Variants in RBKS observed in about 807,000 individuals in gnomAD.
The protein encoded by RBKS is ribokinase.
A neutral mutation model predicts 33.9 loss-of-function variants in RBKS; 33 were observed. The observed-to-expected ratio is 0.97, with a 90% CI of 0.74 to 1.30. The LOEUF is 1.30. RBKS is among the 50% of genes most tolerant of loss of function. RBKS has a pLI of 0.00. For missense variants in RBKS, 361 were observed against 392.6 expected (o/e 0.92, Z 0.68); for synonymous variants, 125 against 143.0 (o/e 0.87, Z 0.90).
intron 7 of RBKS, among the ~76,000 whole-genome samples, chr2:27,819,150 T>C (rs1037996081): frequency 3.3e-5 from 5 of 152,174 alleles, no homozygotes; most frequent in African/African-American, 7.2e-5. Flanking sequence ...TAGAAATTTA[T>C]TTCTCACAGT....
At chr2:27,840,360 G>GCACA (rs752347864) in intron 5 of RBKS, among the ~76,000 whole-genome samples, 12 of 68,328 alleles carry the variant, frequency 1.8e-4, no homozygotes, top group South Asian at 6.4e-4. Context: ...ACACACGCGC[G>GCACA]CGCGCACACA....
At chr2:27,873,476 G>C (rs1664255650) in intron 1 of RBKS, among the ~76,000 whole-genome samples, 1 of 152,094 alleles carries the variant, frequency 6.6e-6, no homozygotes, top group African/African-American at 2.4e-5. Context: ...CCAAAGAACT[G>C]CTTATGATTT....
intron 4 of RBKS, among the ~76,000 whole-genome samples, chr2:27,844,922 C>G (rs1339102478): frequency 2.0e-5 from 3 of 152,180 alleles, no homozygotes; most frequent in Non-Finnish European, 4.4e-5. Flanking sequence ...TCGTGCTGAT[C>G]TTGTACAGAC....
intron 1 of RBKS, among the ~76,000 whole-genome samples, chr2:27,883,420 C>T (rs532070350): frequency 2.6e-5 from 4 of 152,176 alleles, no homozygotes; most frequent in South Asian, 4.1e-4. Flanking sequence ...AGGATGGTCT[C>T]GATCTCCTGA....
rs138743665 is a variant in RBKS at position 27,838,900 on chromosome 2, A to G, written c.514+4167T>C. On this transcript the variant is annotated intron_variant, in intron 5 of 7. Coordinates refer to ENST00000302188, the MANE Select transcript of RBKS (RefSeq NM_022128.3). ...TAATGGATAGCACAATAATGTCAATAAGGAACTGGTGAGGCCTGGAGGAGC... is the reference window on the plus strand; with the variant it reads ...TAATGGATAGCACAATAATGTCAATGAGGAACTGGTGAGGCCTGGAGGAGC... 6.5e-3 allele frequency among the ~76,000 whole-genome samples: 988 copies of G among 152,342 alleles called. 6 individuals carry two copies. Among genetic ancestry groups the G allele is most frequent in the Non-Finnish European group, 0.01 (708 of 68,026 alleles).
intron 4 of RBKS, among the ~76,000 whole-genome samples, 167 bp from the exon 5 acceptor site, chr2:27,843,398 T>G (rs950908019): frequency 6.6e-6 from 1 of 152,230 alleles, no homozygotes; most frequent in African/African-American, 2.4e-5. Context: ...GAGTTCCAAA[T>G]GTATCTTTTA....
At chr2:27,848,668 C>G (rs1663671789) in intron 2 of RBKS, among the ~76,000 whole-genome samples, 1 of 151,946 alleles carries the variant, frequency 6.6e-6, no homozygotes, top group Non-Finnish European at 1.5e-5. Context: ...CTATAGACAA[C>G]AAGATTAGGT....
At chr2:27,808,715 C>T (rs1677936547) in intron 7 of RBKS, among the ~76,000 whole-genome samples, 1 of 152,198 alleles carries the variant, frequency 6.6e-6, no homozygotes, top group South Asian at 2.1e-4. Flanking sequence ...CAGACCAGGA[C>T]TGAAGTGGAG....
At chr2:27,804,567 G>A (rs758898154) in intron 7 of RBKS, among the ~76,000 whole-genome samples, 3 of 152,056 alleles carry the variant, frequency 2.0e-5, no homozygotes, top group African/African-American at 7.2e-5. Context: ...ACCTAATCTC[G>A]ATTTTAGCTG....
intron 1 of RBKS, among the ~76,000 whole-genome samples, chr2:27,865,390 A>G (rs72810558): frequency 6.6e-6 from 1 of 152,328 alleles, no homozygotes; most frequent in Non-Finnish European, 1.5e-5. Flanking sequence ...GAAAGTCCTG[A>G]TCATGCAGAA....
At chr2:27,801,462 TATAC>T (rs1307992843) in intron 7 of RBKS, among the ~76,000 whole-genome samples, 2,893 of 83,008 alleles carry the variant, frequency 0.035, 88 homozygotes, top group African/African-American at 0.11. Flanking sequence ...AGGGCCACAG[TATAC>T]ACACACACAC....
At chr2:27,840,359 C>T (rs1418181583) in intron 5 of RBKS, among the ~76,000 whole-genome samples, 7 of 101,042 alleles carry the variant, frequency 6.9e-5, no homozygotes, top group Non-Finnish European at 1.1e-4. Context: ...CACACACGCG[C>T]GCGCGCACAC....
At chr2:27,857,929 A>G (rs1337190239) in intron 2 of RBKS, among the ~76,000 whole-genome samples, 4 of 152,254 alleles carry the variant, frequency 2.6e-5, no homozygotes, top group Non-Finnish European at 5.9e-5. Context: ...ACTGCTATTC[A>G]TAACAGCCAA....
At chr2:27,877,620 TA>T (rs1664338718) in intron 1 of RBKS, among the ~76,000 whole-genome samples, 1 of 152,204 alleles carries the variant, frequency 6.6e-6, no homozygotes, top group Non-Finnish European at 1.5e-5. Context: ...TTTTGTTCCA[TA>T]AGATGGGATT....
intron 4 of RBKS, among the ~76,000 whole-genome samples, chr2:27,845,685 G>A (rs1216692318): frequency 2.6e-5 from 4 of 152,038 alleles, no homozygotes; most frequent in Admixed American, 6.6e-5. Context: ...GAAATATATC[G>A]TTATTATTGC....
Position 27,841,197 on chromosome 2 carries a change from C to T in RBKS, c.514+1870G>A, listed in dbSNP as rs565318519. Among the ~76,000 whole-genome samples the T allele has an allele frequency of 3.3e-5, 5 of 152,134 alleles. No individual in the cohort carries two copies. The South Asian group carries it at 8.3e-4, about 25-fold the overall frequency. On this transcript the variant is annotated intron_variant, in intron 5 of 7. Transcript: ENST00000302188. ...CCCCAGGGTAGGCTGCCTGCCCATCCGGATTACTCTATTCTCACCTGTGAA... is the reference window on the plus strand; with the variant it reads ...CCCCAGGGTAGGCTGCCTGCCCATCTGGATTACTCTATTCTCACCTGTGAA...
chr2:27,872,026 T>G (rs1573075948), intron 1 of RBKS, among the ~76,000 whole-genome samples: 1 of 152,336 alleles, frequency 6.6e-6, no homozygotes, highest in South Asian at 2.1e-4. Flanking sequence ...CTAATGCTAC[T>G]GCTGATCTGA....
chr2:27,807,266 T>C (rs1309644209), intron 7 of RBKS, among the ~76,000 whole-genome samples: 1 of 152,260 alleles, frequency 6.6e-6, no homozygotes, highest in Non-Finnish European at 1.5e-5. Flanking sequence ...CAACCTTTTA[T>C]TCTCAGCTTA....
At chr2:27,789,941 G>GTGTATATATATATATATA (rs1558533050) in intron 7 of RBKS, among the ~76,000 whole-genome samples, 15 of 96,516 alleles carry the variant, frequency 1.6e-4, no homozygotes, top group African/African-American at 3.2e-4. Flanking sequence ...ATATATATAT[G>GTGTATATATATATATATA]TATATGTGTA....
Sources: gnomAD v4.1 joint callset for allele counts (sites outside exome capture counted in the v4.1 genomes callset) on GRCh38, gnomAD v4.1.1 for gene constraint, MANE v1.5 for transcripts, NCBI Gene and HGNC (gene_info 2026-07-23, HGNC 2026-07-21) for gene names.